The following KAZN variants were observed in gnomAD, a reference collection of about 807,000 sequenced individuals.
The protein encoded by KAZN is kazrin.
In KAZN, 40 loss-of-function variants were observed where a neutral mutation model predicts 87.4. The observed-to-expected ratio is 0.46, with a 90% confidence interval of 0.36 to 0.60. The LOEUF (loss-of-function observed/expected upper bound fraction) is 0.60. KAZN is among the 20% of genes least tolerant of loss of function. The pLI is 0.00. For missense variants in KAZN, 898 were observed against 1,073.9 expected (o/e 0.84, Z 2.29); for synonymous variants, 466 against 458.3 (o/e 1.02, Z -0.22).
chr1:14,801,133 G>A (rs568641167), intron 1 of KAZN, among the ~76,000 whole-genome samples: 27 of 152,142 alleles, frequency 1.8e-4, no homozygotes, highest in African/African-American at 5.8e-4. Context: ...TAATCGTCGC[G>A]GCAAAGCAGA....
At chr1:14,830,766 C>T (rs1247491497) in intron 1 of KAZN, among the ~76,000 whole-genome samples, 1 of 152,168 alleles carries the variant, frequency 6.6e-6, no homozygotes, top group Non-Finnish European at 1.5e-5. Flanking sequence ...TAGAAACCAC[C>T]ACCATGATCT....
chr1:13,995,281 A>G (rs982363028), intron 1 of KAZN, among the ~76,000 whole-genome samples: 1 of 151,928 alleles, frequency 6.6e-6, no homozygotes, highest in Non-Finnish European at 1.5e-5. Context: ...GCAGATGACC[A>G]TGATTGTGTA....
chr1:14,278,170 C>CAAAAAAAAAAAAAAAAAAAAAA, intron 2 of KAZN, among the ~76,000 whole-genome samples: 1 of 55,880 alleles, frequency 1.8e-5, no homozygotes, highest in Non-Finnish European at 4.4e-5. Flanking sequence ...AACTCTGTCT[C>CAAAAAAAAAAAAAAAAAAAAAA]AAAAAAAAAA....
Position 14,333,316 on chromosome 1 carries a change from T to C in KAZN, c.249+152724T>C, listed in dbSNP as rs191859434. 1.3e-4 allele frequency among the ~76,000 whole-genome samples: 20 copies of C among 152,336 alleles called. 1 individual carries two copies. The East Asian group carries it at 1.9e-3, about 15-fold the overall frequency. On this transcript the variant is annotated intron_variant, in intron 2 of 16. Coordinates refer to the KAZN transcript ENST00000636203. ...GGGCATTCGGGTTGATTCCATGTCT[T>C]TGCTATTGTGAATAGTGCTGCAGTG...
At chr1:15,069,460 G>T (rs1284764645) in intron 8 of KAZN, among the ~76,000 whole-genome samples, 1 of 152,114 alleles carries the variant, frequency 6.6e-6, no homozygotes, top group Admixed American at 6.6e-5. Flanking sequence ...TACCTTATTT[G>T]GGTCTTTGTA....
intron 2 of KAZN, among the ~76,000 whole-genome samples, chr1:14,553,452 C>T (rs1673669987): frequency 6.6e-6 from 1 of 152,228 alleles, no homozygotes; most frequent in African/African-American, 2.4e-5. Flanking sequence ...GCAAGTGAAA[C>T]TCAACATGTC....
chr1:14,725,467 T>C (rs891958882), intron 1 of KAZN, among the ~76,000 whole-genome samples: 1 of 152,092 alleles, frequency 6.6e-6, no homozygotes, highest in African/African-American at 2.4e-5. Flanking sequence ...TGTCTTTTTT[T>C]TTTTTTCTTT....
rs201855063 is a variant in KAZN at position 14,232,960 on chromosome 1, CTATCA to C, written c.249+52372_249+52376del. On this transcript the variant is annotated intron_variant, in intron 2 of 16. Transcript: ENST00000636203. ...TTAAAAGGATAAAAGAATGAAACTC[CTATCA>C]TATTTAAAATGTTTTATTTTTCCAT... Among the ~76,000 whole-genome samples, 374 of 152,104 alleles carry C rather than the reference CTATCA, an allele frequency of 2.5e-3. 7 individuals are homozygous for C. The East Asian group carries it at 0.054, about 22-fold the overall frequency.
At chr1:14,516,673 C>G (rs1004208889) in intron 2 of KAZN, among the ~76,000 whole-genome samples, 20 of 152,226 alleles carry the variant, frequency 1.3e-4, no homozygotes, top group African/African-American at 4.1e-4. Flanking sequence ...AGCTCTGACT[C>G]TGTTCCCAAC....
chr1:13,911,650 T>C (rs1639655840), intron 1 of KAZN, among the ~76,000 whole-genome samples: 2 of 152,228 alleles, frequency 1.3e-5, no homozygotes, highest in Admixed American at 1.3e-4. Flanking sequence ...TGTCCCACTT[T>C]GAAAATTTTC....
At chr1:14,812,983 C>T (rs1185646479) in intron 1 of KAZN, among the ~76,000 whole-genome samples, 2 of 152,182 alleles carry the variant, frequency 1.3e-5, no homozygotes, top group South Asian at 2.1e-4. Context: ...TATTAGCTAA[C>T]CCAACCAACC....
intron 1 of KAZN, among the ~76,000 whole-genome samples, chr1:14,656,886 A>G (rs755992678): frequency 6.6e-6 from 1 of 152,192 alleles, no homozygotes; most frequent in South Asian, 2.1e-4. Flanking sequence ...CATATCGCAT[A>G]TCATCCTTCA....
chr1:13,991,752 C>T (rs1244585259), intron 1 of KAZN, among the ~76,000 whole-genome samples: 1 of 152,144 alleles, frequency 6.6e-6, no homozygotes, highest in Non-Finnish European at 1.5e-5. Context: ...TTTCACTCTT[C>T]TGCACCCCTG....
At chr1:14,211,626 C>T (rs1180868987) in intron 2 of KAZN, among the ~76,000 whole-genome samples, 1 of 152,064 alleles carries the variant, frequency 6.6e-6, no homozygotes, top group Admixed American at 6.5e-5. Context: ...CTGGAGATGT[C>T]TTGTATGGGC....
rs539170546 is a variant in KAZN at position 14,856,803 on chromosome 1, G to C, written c.227-103881G>C. On this transcript the variant is annotated intron_variant, in intron 1 of 14. Coordinates refer to ENST00000376030, the MANE Select transcript of KAZN (RefSeq NM_201628.3). The surrounding 1 kb of genome is among the most constrained non-coding windows in gnomAD (Gnocchi z 5.2). ...ATGTTTGTTGCCGGGCTGTTGCAGA[G>C]AGTTTGCAATTCAATCGGAACTCAG... is the stretch of plus-strand genomic sequence containing the variant. Among the ~76,000 whole-genome samples, 12 of 152,302 alleles carry C rather than the reference G, an allele frequency of 7.9e-5. No homozygotes were observed. The highest frequency in any genetic ancestry group is 2.6e-4 in the African/African-American group (11 of 41,578).
chr1:14,337,692 G>A (rs190194643), intron 2 of KAZN, among the ~76,000 whole-genome samples: 21 of 152,198 alleles, frequency 1.4e-4, no homozygotes, highest in South Asian at 4.2e-4. Context: ...TCAGGAGTTC[G>A]AGACCAGCCT....
intron 1 of KAZN, among the ~76,000 whole-genome samples, chr1:14,682,729 A>G (rs1640745492): frequency 6.6e-6 from 1 of 152,224 alleles, no homozygotes; most frequent in Non-Finnish European, 1.5e-5. Context: ...CCTTGCCCTA[A>G]ACTATAAATT....
intron 1 of KAZN, among the ~76,000 whole-genome samples, chr1:14,733,669 G>T (rs1643784832): frequency 6.6e-6 from 1 of 152,120 alleles, no homozygotes; most frequent in Non-Finnish European, 1.5e-5. Context: ...TCAGCGTGGG[G>T]ACTCGGGGGT....
intron 2 of KAZN, among the ~76,000 whole-genome samples, chr1:14,226,547 C>CT (rs1647308093): frequency 6.6e-6 from 1 of 152,180 alleles, no homozygotes; most frequent in Non-Finnish European, 1.5e-5. Context: ...AACCCTATTA[C>CT]TGGGTATACA....
Sources: gnomAD v4.1 joint callset for allele counts (sites outside exome capture counted in the v4.1 genomes callset) on GRCh38, gnomAD v4.1.1 for gene constraint, Gnocchi (gnomAD v3.1) non-coding constraint, MANE v1.5 for transcripts, NCBI Gene and HGNC (gene_info 2026-07-23, HGNC 2026-07-21) for gene names.